OSBPL5: variants seen among roughly 807,000 people sequenced by gnomAD.
OSBPL5 encodes oxysterol-binding protein-related protein 5.
OSBPL5 carries 71 observed loss-of-function variants against 111.2 expected under a neutral mutation model. That is an observed-to-expected ratio of 0.64 (90% CI 0.53 to 0.78). The LOEUF is 0.78. Ranked by LOEUF, OSBPL5 falls within the 30% of genes least tolerant of loss-of-function variation. The pLI is 0.00. For synonymous variants in OSBPL5, 549 were observed against 513.9 expected, an observed-to-expected ratio of 1.07 and a Z score of -0.93; for missense variants, 1,210 against 1,189.3, an observed-to-expected ratio of 1.02 and a Z score of -0.26.
chr11:3,092,806 C>G lies in OSBPL5; in HGVS notation c.2132+61G>C. The G allele has an allele frequency of 6.8e-7, 1 of 1,470,692 alleles. No individual in the cohort carries two copies. Among genetic ancestry groups the G allele is most frequent in the African/African-American group, 1.4e-5 (1 of 71,114 alleles). 91.1% of individuals were successfully genotyped at this position (1,470,692 alleles called of 1,614,324 possible). Reference sequence around the variant, plus strand: ...GGAAGCCAGGAGCCCCTGGGCCCTTCTCAGCCCGTCTGCTAGGCCCAGCCC... The same window carrying G: ...GGAAGCCAGGAGCCCCTGGGCCCTTGTCAGCCCGTCTGCTAGGCCCAGCCC... On this transcript the variant is annotated intron_variant, in intron 18 of 21. Transcript: ENST00000263650. This position sits in a 1 kb window ranked among gnomAD's most constrained non-coding sequence, Gnocchi z 5.4.
At chr11:3,129,727 A>T (rs1858761305) in intron 1 of OSBPL5, among the ~76,000 whole-genome samples, 1 of 152,170 alleles carries the variant, frequency 6.6e-6, no homozygotes, top group African/African-American at 2.4e-5. Context: ...GCCCGCCTGA[A>T]GCTTGGGTGC....
rs78776004 is a variant in OSBPL5 at position 3,151,108 on chromosome 11, C to T, written c.-22+14108G>A. Among the ~76,000 whole-genome samples the T allele has an allele frequency of 2.2e-4, 34 of 152,210 alleles. 1 individual carries two copies. In the East Asian group the frequency reaches 6.4e-3, roughly 29 times the overall value. On this transcript the variant is annotated intron_variant, in intron 1 of 21. Coordinates refer to ENST00000263650, the MANE Select transcript of OSBPL5 (RefSeq NM_020896.4). ...GAGACACAGACAGGGGAGAACGTGC[C>T]GTGAAGACAGAGGCGGAGATCGGAG...
Position 3,089,852 on chromosome 11 carries a change from A to C in OSBPL5, c.2495T>G (p.Leu832Arg), listed in dbSNP as rs772448505. 6.4e-7 allele frequency: 1 copy of C among 1,559,756 alleles called. No individual in the cohort carries two copies. The highest frequency in any genetic ancestry group is 8.7e-7 in the Non-Finnish European group (1 of 1,152,034). The stretch of plus-strand genomic sequence containing the variant: ...CACCCTGAGTGTGGCCCACCTGTGC[A>C]GCTCCTGCTGGGCCTCTCGGATGGA... ...ILSIREAQQE[L>R]HRHLSAMLSS... The change falls in exon 21 of 22, where the codon CTG becomes CGG. Residue 832 changes from leucine (L) to arginine (R), a missense_variant. By Grantham distance (102) the Leu-to-Arg change is moderately radical. Transcript: ENST00000263650.
At chr11:3,103,159 A>G in intron 11 of OSBPL5, 80 bp downstream of exon 11, 1 of 1,307,912 alleles carries the variant, frequency 7.6e-7, no homozygotes. Context: ...CCGGGGACTC[A>G]GGGAAGTGCC....
In OSBPL5 at chr11:3,107,533, C is replaced by T; in HGVS notation, c.867-78G>A. 6.7e-7 allele frequency: 1 copy of T among 1,502,736 alleles called. No individual in the cohort carries two copies. Among genetic ancestry groups the T allele is most frequent in the Non-Finnish European group, 9.2e-7 (1 of 1,092,242 alleles). 93.1% of individuals were successfully genotyped at this position (1,502,736 alleles called of 1,614,324 possible). A position where few individuals can be genotyped will look rare whatever the true frequency, so the allele number is the denominator to read the frequency against. The stretch of plus-strand genomic sequence containing the variant: ...AGCCCTCTGGGCTGCCCACCCCTCG[C>T]TGCTCCGCACTTCACATACGTTCCT... On this transcript the variant is annotated intron_variant, in intron 8 of 21. Transcript: ENST00000263650. The surrounding 1 kb of genome is among the most constrained non-coding windows in gnomAD (Gnocchi z 6.1).
intron 1 of OSBPL5, among the ~76,000 whole-genome samples, chr11:3,160,083 C>T (rs1325900480): frequency 1.3e-5 from 2 of 152,094 alleles, no homozygotes; most frequent in Non-Finnish European, 2.9e-5. Flanking sequence ...GGTCACATGC[C>T]CCACCCTGGT....
Position 3,109,089 on chromosome 11 carries a change from T to C in OSBPL5, c.692-1144A>G, listed in dbSNP as rs1857818987. On this transcript the variant is annotated intron_variant, in intron 7 of 21. Transcript: ENST00000263650. This position sits in a 1 kb window ranked among gnomAD's most constrained non-coding sequence, Gnocchi z 7.4. ...GGTCAATAAGTGTGTTTTTTGTTTT[T>C]GTTTTTTTGTTGTTTTGAGATGGAG... 6.7e-6 allele frequency among the ~76,000 whole-genome samples: 1 copy of C among 149,866 alleles called. No homozygotes were observed. Among genetic ancestry groups the C allele is most frequent in the Non-Finnish European group, 1.5e-5 (1 of 67,694 alleles).
At chr11:3,102,514 G>A (rs1039173524) in intron 11 of OSBPL5, among the ~76,000 whole-genome samples, 2 of 152,158 alleles carry the variant, frequency 1.3e-5, no homozygotes, top group Non-Finnish European at 2.9e-5. Context: ...CCACTTCTTA[G>A]CTCGGAGAAG....
intron 3 of OSBPL5, among the ~76,000 whole-genome samples, chr11:3,125,070 G>T (rs1195062221): frequency 6.6e-6 from 1 of 152,148 alleles, no homozygotes; most frequent in Non-Finnish European, 1.5e-5. Flanking sequence ...CCTCCTGCAG[G>T]CCAGGTGGGT....
In OSBPL5 at chr11:3,089,812, C is replaced by T. The variant is rs201652302; in HGVS notation, c.2501+34G>A. On this transcript the variant is annotated intron_variant, in intron 21 of 21. Coordinates refer to ENST00000263650, the MANE Select transcript of OSBPL5 (RefSeq NM_020896.4). The stretch of plus-strand genomic sequence containing the variant: ...ACCAGGTCTCTCGCACTCTCTGACC[C>T]GGAGTCTGGATGGACACCCTGAGTG... 184 of 1,539,680 alleles carry T rather than the reference C, an allele frequency of 1.2e-4. 3 individuals are homozygous for T. In the South Asian group the frequency reaches 1.2e-3, roughly 10 times the overall value.
At chr11:3,120,341 T>G in intron 6 of OSBPL5, 80 bp downstream of exon 6, 2 of 1,520,802 alleles carry the variant, frequency 1.3e-6, no homozygotes, top group East Asian at 2.5e-5. Context: ...GCTGGTTGGC[T>G]CCACCCTCCA....
intron 1 of OSBPL5, among the ~76,000 whole-genome samples, chr11:3,143,865 G>C (rs1044872278): frequency 6.6e-6 from 1 of 152,238 alleles, no homozygotes; most frequent in Non-Finnish European, 1.5e-5. Context: ...AGCTGAGCAG[G>C]GCCCGAGGAA....
intron 7 of OSBPL5, among the ~76,000 whole-genome samples, chr11:3,112,135 G>C (rs1421475006): frequency 2.6e-5 from 4 of 152,122 alleles, no homozygotes; most frequent in African/African-American, 7.2e-5. Flanking sequence ...GCGCATATGT[G>C]TGTGTTTGTA....
intron 21 of OSBPL5, among the ~76,000 whole-genome samples, 163 bp downstream of exon 21, chr11:3,089,683 C>T (rs898546032): frequency 6.6e-6 from 1 of 152,218 alleles, no homozygotes; most frequent in Non-Finnish European, 1.5e-5. Context: ...CTCCTGCCCT[C>T]GGCGGTTGTC....
Position 3,088,107 on chromosome 11 carries a change from G to C in OSBPL5, c.*98C>G. On this transcript the variant is annotated 3_prime_UTR_variant, in exon 22 of 22. Transcript: ENST00000263650. The stretch of plus-strand genomic sequence containing the variant: ...CTGGACTCCCCGTCACAGTGGCTGT[G>C]CTTGCCGGGCCTCTCTGCCTCCATG... The C allele has an allele frequency of 8.3e-7, 1 of 1,202,104 alleles. No individual in the cohort carries two copies. Among genetic ancestry groups the C allele is most frequent in the Non-Finnish European group, 1.1e-6 (1 of 898,688 alleles). The allele number at this position is 1,202,104 out of a possible 1,614,324, so 74.5% of individuals were successfully genotyped here. A position where few individuals can be genotyped will look rare whatever the true frequency, so the allele number is the denominator to read the frequency against.
At chr11:3,119,378 G>A (rs1248767985) in intron 7 of OSBPL5, among the ~76,000 whole-genome samples, 169 bp downstream of exon 7, 1 of 152,238 alleles carries the variant, frequency 6.6e-6, no homozygotes, top group African/African-American at 2.4e-5. Flanking sequence ...TGGGGGCTCT[G>A]TGAGTGTAGG....
intron 1 of OSBPL5, among the ~76,000 whole-genome samples, chr11:3,160,163 G>A (rs1846911922): frequency 6.6e-6 from 1 of 152,154 alleles, no homozygotes; most frequent in African/African-American, 2.4e-5. Context: ...GTGGGGTGGG[G>A]GTGAGGTTCA....
chr11:3,124,379 C>T (rs777536912), intron 3 of OSBPL5, among the ~76,000 whole-genome samples: 10 of 152,290 alleles, frequency 6.6e-5, no homozygotes, highest in Non-Finnish European at 1.0e-4. Context: ...ATCTGAGTGA[C>T]GAGGCATATG....
chr11:3,146,661 C>G lies in OSBPL5; in HGVS notation c.-21-17492G>C, dbSNP rs1485484273. On this transcript the variant is annotated intron_variant, in intron 1 of 21. Transcript: ENST00000263650. This position sits in a 1 kb window ranked among gnomAD's most constrained non-coding sequence, Gnocchi z 7.8. ...CTAAGCCGCTGGGCACACAGCTGTGCCTGAGTGCAGGGGGAGAGGCCAGCT... is the reference window on the plus strand; with the variant it reads ...CTAAGCCGCTGGGCACACAGCTGTGGCTGAGTGCAGGGGGAGAGGCCAGCT... 1 of 152,172 alleles carries G rather than the reference C, an allele frequency of 6.6e-6. No homozygotes were observed. The highest frequency in any genetic ancestry group is 1.5e-5 in the Non-Finnish European group (1 of 68,090). The allele number at this position is 152,172 out of a possible 1,614,324, so 9.4% of individuals were successfully genotyped here. A position where few individuals can be genotyped will look rare whatever the true frequency, so the allele number is the denominator to read the frequency against.
Sources: allele counts gnomAD v4.1 joint callset (sites outside exome capture counted in the v4.1 genomes callset), GRCh38; gene constraint gnomAD v4.1.1; non-coding constraint Gnocchi (gnomAD v3.1); transcripts MANE v1.5; gene names NCBI Gene and HGNC (gene_info 2026-07-23, HGNC 2026-07-21).